The following PI4K2B variants were observed in gnomAD, a reference collection of about 807,000 sequenced individuals.
PI4K2B encodes the protein phosphatidylinositol 4-kinase type 2 beta.
In PI4K2B, 46 loss-of-function variants were observed where a neutral mutation model predicts 56.6. The ratio of observed to expected loss-of-function variants is 0.81; its 90% CI spans 0.64 to 1.04. PI4K2B has a LOEUF of 1.04. Ranked by LOEUF, PI4K2B falls within the 50% of genes least tolerant of loss-of-function variation. PI4K2B has a pLI of 0.00. For synonymous variants in PI4K2B, 211 were observed against 223.8 expected, an observed-to-expected ratio of 0.94 and a Z score of 0.51; for missense variants, 556 against 607.7, an observed-to-expected ratio of 0.91 and a Z score of 0.89.
In PI4K2B at chr4:25,255,261, C is replaced by A. The variant is rs1168729262; in HGVS notation, c.620C>A (p.Thr207Lys). Residue 207 changes from threonine to lysine, a missense_variant, in exon 3 of 10, where the codon ACA becomes AAA. Physicochemically the swap from Thr to Lys is moderately conservative, Grantham distance 78. Coordinates refer to ENST00000264864, the MANE Select transcript of PI4K2B (RefSeq NM_018323.4). ...NKLHLSIVPK[T>K]KVVWLVSETF... ...CTTCATCTGAGCATTGTACCTAAAA[C>A]AAAGGTAAGCCAGACTTTATTTTTA... 6.2e-7 allele frequency: 1 copy of A among 1,612,180 alleles called. No homozygotes were observed. Among genetic ancestry groups the A allele is most frequent in the Non-Finnish European group, 8.5e-7 (1 of 1,178,438 alleles).
intron 6 of PI4K2B, among the ~76,000 whole-genome samples, chr4:25,263,423 T>C (rs989332719): frequency 1.8e-4 from 27 of 152,298 alleles, no homozygotes; most frequent in African/African-American, 5.5e-4. Context: ...ATCATACATT[T>C]AAGCAATGAA....
At chr4:25,276,603 G>C (rs1312971490) in intron 9 of PI4K2B, 1 of 963,136 alleles carries the variant, frequency 1.0e-6, no homozygotes, top group East Asian at 1.2e-4. Flanking sequence ...CAATAAATTT[G>C]TTGAATGAAT....
intron 1 of PI4K2B, among the ~76,000 whole-genome samples, chr4:25,240,015 T>C (rs1012926990): frequency 3.9e-5 from 6 of 152,176 alleles, no homozygotes; most frequent in Non-Finnish European, 5.9e-5. Context: ...TGTAAGACCA[T>C]TTGTAGCTTG....
intron 6 of PI4K2B, among the ~76,000 whole-genome samples, 157 bp downstream of exon 6, chr4:25,260,748 A>C (rs1716442565): frequency 6.7e-6 from 1 of 150,318 alleles, no homozygotes; most frequent in Non-Finnish European, 1.5e-5. Context: ...AGATTCCTTT[A>C]AGTTATTCTT....
intron 1 of PI4K2B, among the ~76,000 whole-genome samples, chr4:25,240,993 G>A (rs1216283107): frequency 6.6e-6 from 1 of 152,042 alleles, no homozygotes; most frequent in Admixed American, 6.6e-5. Flanking sequence ...TTATGCTGCT[G>A]TTCTCCCCTC....
chr4:25,246,810 G>A (rs894424999), intron 1 of PI4K2B, among the ~76,000 whole-genome samples: 27 of 152,284 alleles, frequency 1.8e-4, no homozygotes, highest in South Asian at 1.2e-3. Context: ...TGAGCGCAGC[G>A]CTGGCCCAGG....
intron 1 of PI4K2B, among the ~76,000 whole-genome samples, chr4:25,241,158 A>G (rs1715504657): frequency 6.6e-6 from 1 of 152,384 alleles, no homozygotes; most frequent in African/African-American, 2.4e-5. Context: ...CAGCATGGGC[A>G]TGTAGGATTA....
chr4:25,265,198 CAAA>C (rs71188933), intron 7 of PI4K2B, among the ~76,000 whole-genome samples: 17 of 65,400 alleles, frequency 2.6e-4, no homozygotes, highest in East Asian at 1.9e-3. Flanking sequence ...TCTGTCTCAC[CAAA>C]AAAAAAAAAA....
Position 25,255,125 on chromosome 4 carries a change from T to C in PI4K2B, c.484T>C (p.Trp162Arg). 1 of 1,614,160 alleles carries C rather than the reference T, an allele frequency of 6.2e-7. No individual in the cohort carries two copies. Among genetic ancestry groups the C allele is most frequent in the Non-Finnish European group, 8.5e-7 (1 of 1,179,970 alleles). ...GCCTTATGGTCAACTCAATCCAAAA[T>C]GGACCAAATATGTCCATAAGGTCTG... ...EEPYGQLNPK[W>R]TKYVHKVCCP... Residue 162 changes from tryptophan (W) to arginine (R), a missense_variant, in exon 3 of 10, where the codon TGG (tryptophan) becomes CGG (arginine). Coordinates refer to ENST00000264864, the MANE Select transcript of PI4K2B (RefSeq NM_018323.4).
At chr4:25,249,609 T>C (rs1715957499) in intron 1 of PI4K2B, among the ~76,000 whole-genome samples, 1 of 147,974 alleles carries the variant, frequency 6.8e-6, no homozygotes, top group Non-Finnish European at 1.5e-5. Flanking sequence ...GAGGGGCTCC[T>C]CACTTCTCAG....
At chr4:25,238,747 T>G (rs313547) in intron 1 of PI4K2B, among the ~76,000 whole-genome samples, 16,687 of 152,118 alleles carry the variant, frequency 0.11, 1,016 homozygotes, top group South Asian at 0.19. Context: ...TTACAGCTCA[T>G]AAAGGCAGTG....
In PI4K2B at chr4:25,267,134, A is replaced by G. The variant is rs1393737243; in HGVS notation, c.1079-1309A>G. On this transcript the variant is annotated intron_variant, in intron 7 of 9. Coordinates refer to ENST00000264864, the MANE Select transcript of PI4K2B (RefSeq NM_018323.4). The stretch of plus-strand genomic sequence containing the variant: ...ACATGCTACAGAGAGATTAGGTAGC[A>G]TGACAACTGCAAGTGAGCCTTTGGA... Among the ~76,000 whole-genome samples the G allele has an allele frequency of 2.6e-5, 4 of 152,372 alleles. No homozygotes were observed. In the East Asian group the frequency reaches 7.7e-4, roughly 29 times the overall value.
intron 1 of PI4K2B, among the ~76,000 whole-genome samples, chr4:25,240,179 T>C (rs1715455312): frequency 6.6e-6 from 1 of 152,186 alleles, no homozygotes; most frequent in Admixed American, 6.5e-5. Context: ...TGAAAGGCAT[T>C]GTCTGATTTC....
chr4:25,269,781 TCGGCTCA>T, intron 9 of PI4K2B, among the ~76,000 whole-genome samples: 1 of 151,968 alleles, frequency 6.6e-6, no homozygotes, highest in East Asian at 2.0e-4. Context: ...TGGAACGATC[TCGGCTCA>T]CTGCAAGCTC....
intron 7 of PI4K2B, among the ~76,000 whole-genome samples, chr4:25,266,923 C>T: frequency 6.6e-6 from 1 of 151,858 alleles, no homozygotes; most frequent in East Asian, 1.9e-4. Flanking sequence ...TTTATGAATG[C>T]TTAAATAAAT....
At chr4:25,234,565 C>A (rs1577670644) in intron 1 of PI4K2B, 134 bp downstream of exon 1, 1 of 597,686 alleles carries the variant, frequency 1.7e-6, no homozygotes, top group East Asian at 3.6e-5. Flanking sequence ...AGCTCCCGAG[C>A]TCGGACCGGC....
chr4:25,241,568 G>A lies in PI4K2B; in HGVS notation c.268+7137G>A, dbSNP rs187771573. On this transcript the variant is annotated intron_variant, in intron 1 of 9. Transcript: ENST00000264864. ...AGTAGCACCTGGTATCTAAGTAGGC[G>A]GTTGTCTGATAGCCATAAACTTCCT... Among the ~76,000 whole-genome samples the A allele has an allele frequency of 6.2e-3, 948 of 152,310 alleles. 9 individuals carry two copies. The highest frequency in any genetic ancestry group is 0.022 in the African/African-American group (905 of 41,572).
intron 9 of PI4K2B, among the ~76,000 whole-genome samples, chr4:25,271,731 A>G (rs1019967289): frequency 6.6e-6 from 1 of 152,216 alleles, no homozygotes; most frequent in African/African-American, 2.4e-5. Flanking sequence ...TCTTATCCCT[A>G]AAGGTTTATT....
intron 7 of PI4K2B, among the ~76,000 whole-genome samples, chr4:25,264,847 G>C (rs964129128): frequency 2.6e-5 from 4 of 151,742 alleles, no homozygotes; most frequent in Admixed American, 6.6e-5. Context: ...CTCCAGCCTG[G>C]GTGACAAGAG....
Sources: gnomAD v4.1 joint callset for allele counts (sites outside exome capture counted in the v4.1 genomes callset) on GRCh38, gnomAD v4.1.1 for gene constraint, MANE v1.5 for transcripts, NCBI Gene and HGNC (gene_info 2026-07-23, HGNC 2026-07-21) for gene names.